The following C3orf22 variants were observed in gnomAD, a reference collection of about 807,000 sequenced individuals.
C3orf22 encodes chromosome 3 open reading frame 22.
Under a neutral mutation model 10.8 loss-of-function variants are expected in C3orf22, and 7 were observed. The ratio of observed to expected loss-of-function variants is 0.65; its 90% CI spans 0.37 to 1.22. The LOEUF is 1.22. Among genes scored for constraint, C3orf22 ranks in the 50% most tolerant of loss-of-function variants. C3orf22 has a pLI of 0.02. For synonymous variants in C3orf22, 79 were observed against 78.9 expected (o/e 1.00, Z 0.00); for missense variants, 173 against 177.0 (o/e 0.98, Z 0.13).
At chr3:126,550,675 A>G (rs1937160875) in intron 3 of C3orf22, among the ~76,000 whole-genome samples, 1 of 152,064 alleles carries the variant, frequency 6.6e-6, no homozygotes, top group South Asian at 2.1e-4. Flanking sequence ...TCCTGTGCTC[A>G]TGGGCCCGGC....
intron 1 of C3orf22, among the ~76,000 whole-genome samples, chr3:126,555,795 C>G (rs1937315522): frequency 6.6e-6 from 1 of 152,218 alleles, no homozygotes; most frequent in South Asian, 2.1e-4. Flanking sequence ...CCCTACCTTC[C>G]TGCTCCATAA....
At chr3:126,536,541 G>A (rs1473666332) in intron 4 of C3orf22, among the ~76,000 whole-genome samples, 2 of 152,072 alleles carry the variant, frequency 1.3e-5, no homozygotes, top group African/African-American at 2.4e-5. Context: ...TGAGAGACCT[G>A]GAGTCTCTAC....
chr3:126,545,785 G>T (rs1937057480), downstream of C3orf22, among the ~76,000 whole-genome samples: 1 of 152,128 alleles, frequency 6.6e-6, no homozygotes, highest in Non-Finnish European at 1.5e-5. Flanking sequence ...CGGCTGCCTG[G>T]GACAAAGGCT....
chr3:126,557,241 T>A (rs1208610837), intron 1 of C3orf22, among the ~76,000 whole-genome samples: 3 of 152,218 alleles, frequency 2.0e-5, no homozygotes, highest in Non-Finnish European at 4.4e-5. Context: ...ACCTGGGAGC[T>A]CCTCGCTTCC....
At chr3:126,531,222 C>A (rs1936653153) in intron 4 of C3orf22, among the ~76,000 whole-genome samples, 1 of 152,238 alleles carries the variant, frequency 6.6e-6, no homozygotes. Flanking sequence ...CCTACTGGAC[C>A]AGAAACTCTA....
At chr3:126,545,704 G>A (rs950062275), downstream of C3orf22, among the ~76,000 whole-genome samples, 1 of 152,216 alleles carries the variant, frequency 6.6e-6, no homozygotes, top group African/African-American at 2.4e-5. Context: ...ACTCCAAGGG[G>A]TCAGTGGGCC....
intron 1 of C3orf22, among the ~76,000 whole-genome samples, chr3:126,557,459 G>T (rs1937376381): frequency 6.6e-6 from 1 of 152,166 alleles, no homozygotes; most frequent in African/African-American, 2.4e-5. Context: ...GGGCAAGACT[G>T]CTCGGCAGTG....
chr3:126,557,106 A>T (rs1410250436), intron 1 of C3orf22, among the ~76,000 whole-genome samples: 1 of 152,120 alleles, frequency 6.6e-6, no homozygotes, highest in Non-Finnish European at 1.5e-5. Flanking sequence ...ACACTCACAC[A>T]CAGACACATA....
At chr3:126,556,175 C>T (rs1357623385) in intron 1 of C3orf22, among the ~76,000 whole-genome samples, 3 of 152,214 alleles carry the variant, frequency 2.0e-5, no homozygotes, top group Non-Finnish European at 4.4e-5. Context: ...TGCACAGCAC[C>T]TCTGCCCTCA....
At chr3:126,553,713 T>C (rs1439427303) in intron 1 of C3orf22, among the ~76,000 whole-genome samples, 1 of 152,208 alleles carries the variant, frequency 6.6e-6, no homozygotes, top group Non-Finnish European at 1.5e-5. Context: ...GCCACTGATC[T>C]GTCCTCATCA....
At chr3:126,528,481 A>T (rs1340405706) in intron 5 of C3orf22, among the ~76,000 whole-genome samples, 1 of 152,196 alleles carries the variant, frequency 6.6e-6, no homozygotes. Flanking sequence ...GGGGGGAACC[A>T]GGGATTGCTG....
At chr3:126,530,981 T>G (rs1873403) in intron 4 of C3orf22, among the ~76,000 whole-genome samples, 152,075 of 152,400 alleles carry the variant, frequency 1, 75,878 homozygotes, top group Middle Eastern at 1. Flanking sequence ...TGGGCTTCAG[T>G]TACACGCAGC....
chr3:126,550,101 C>G, intron 3 of C3orf22, 23 bp from the exon 4 acceptor site: 7 of 1,612,586 alleles, frequency 4.3e-6, no homozygotes, highest in Non-Finnish European at 5.1e-6. Flanking sequence ...CACAGAGCCA[C>G]GCCTGGCCTT....
At chr3:126,542,493 T>C (rs867554675) in intron 4 of C3orf22, 1 of 1,580,900 alleles carries the variant, frequency 6.3e-7, no homozygotes, top group Non-Finnish European at 8.6e-7. Context: ...ATCAGCCCCT[T>C]CTACCAGCGG....
intron 4 of C3orf22, among the ~76,000 whole-genome samples, chr3:126,536,658 AG>A (rs894243876): frequency 1.6e-4 from 25 of 152,180 alleles, no homozygotes; most frequent in African/African-American, 5.8e-4. Flanking sequence ...GGAAGTTTAC[AG>A]TCTCGTGGGA....
At chr3:126,529,341 C>T (rs1199970701) in exon 5 of C3orf22, 6 of 1,289,248 alleles carry the variant, frequency 4.7e-6, no homozygotes, top group Admixed American at 4.6e-5. Flanking sequence ...GCTGGTATTT[C>T]CTCATGGGTC....
intron 4 of C3orf22, among the ~76,000 whole-genome samples, chr3:126,541,026 G>C (rs776544260): frequency 1.3e-5 from 2 of 152,232 alleles, no homozygotes; most frequent in Non-Finnish European, 2.9e-5. Flanking sequence ...GAAGAAAGGG[G>C]AGCTGGAAGC....
At chr3:126,534,346 T>G (rs1936717992) in intron 4 of C3orf22, among the ~76,000 whole-genome samples, 1 of 152,226 alleles carries the variant, frequency 6.6e-6, no homozygotes, top group Admixed American at 6.5e-5. Context: ...GGTAAACGGA[T>G]TTTTACTTAT....
rs1314522996 is a variant in C3orf22 at position 126,556,060 on chromosome 3, G to T, written c.-41+2567C>A. Among the ~76,000 whole-genome samples the T allele has an allele frequency of 2.0e-5, 3 of 152,360 alleles. No individual in the cohort carries two copies. In the South Asian group the frequency reaches 6.2e-4, roughly 32 times the overall value. On this transcript the variant is annotated intron_variant, in intron 1 of 3. Transcript: ENST00000318225. Reference sequence around the variant, plus strand: ...TCCACTGAAAGCCCTCAGCCTAGAGGATTGTGCACTGCTTTGGTGGGGATG... The same window carrying T: ...TCCACTGAAAGCCCTCAGCCTAGAGTATTGTGCACTGCTTTGGTGGGGATG...
Sources: allele counts gnomAD v4.1 joint callset (sites outside exome capture counted in the v4.1 genomes callset), GRCh38; gene constraint gnomAD v4.1.1; transcripts MANE v1.5; gene names NCBI Gene and HGNC (gene_info 2026-07-23, HGNC 2026-07-21).